Variants in NPAS3 observed in about 807,000 individuals in gnomAD.
NPAS3 encodes neuronal PAS domain-containing protein 3.
A neutral mutation model predicts 73.1 loss-of-function variants in NPAS3; 14 were observed. The observed-to-expected ratio is 0.19, with a 90% CI of 0.13 to 0.30. The LOEUF is 0.30. NPAS3 is among the 10% of genes least tolerant of loss of function. NPAS3 has a pLI of 1.00. For missense variants in NPAS3, 1,096 were observed against 1,250.0 expected (o/e 0.88, Z 1.86); for synonymous variants, 620 against 541.5 (o/e 1.14, Z -2.01).
intron 6 of NPAS3, among the ~76,000 whole-genome samples, chr14:33,733,516 A>T (rs1389667911): frequency 2.0e-5 from 3 of 152,188 alleles, no homozygotes. Flanking sequence ...CAAAATGGGA[A>T]TCTCTGATAA....
At chr14:33,637,175 G>C (rs1346068956) in intron 5 of NPAS3, among the ~76,000 whole-genome samples, 1 of 152,094 alleles carries the variant, frequency 6.6e-6, no homozygotes, top group Non-Finnish European at 1.5e-5. Context: ...TCCCCATAAT[G>C]CTCTAAAGAT....
intron 4 of NPAS3, among the ~76,000 whole-genome samples, chr14:33,379,428 C>G (rs1356975627): frequency 6.6e-6 from 1 of 152,092 alleles, no homozygotes; most frequent in Non-Finnish European, 1.5e-5. Flanking sequence ...GGTTTTTATA[C>G]CTCTCTGGTA....
intron 3 of NPAS3, among the ~76,000 whole-genome samples, chr14:33,245,745 C>T (rs1566718619): frequency 6.6e-6 from 1 of 152,114 alleles, no homozygotes; most frequent in East Asian, 1.9e-4. Flanking sequence ...TTACAGTTTA[C>T]TCTAATACAT....
intron 5 of NPAS3, among the ~76,000 whole-genome samples, chr14:33,561,258 CTT>C (rs1412660252): frequency 4.6e-5 from 7 of 152,212 alleles, no homozygotes; most frequent in Non-Finnish European, 7.3e-5. Flanking sequence ...AGGCTGGACT[CTT>C]TTGGCTGTGA....
intron 6 of NPAS3, among the ~76,000 whole-genome samples, chr14:33,696,793 C>T (rs371677915): frequency 1.3e-5 from 2 of 152,128 alleles, no homozygotes; most frequent in Non-Finnish European, 2.9e-5. Flanking sequence ...GCTTTTGTTT[C>T]GTATATAACG....
intron 5 of NPAS3, among the ~76,000 whole-genome samples, chr14:33,564,810 T>C (rs2055844965): frequency 1.3e-5 from 2 of 152,188 alleles, no homozygotes; most frequent in Admixed American, 1.3e-4. Context: ...CAAGTTAATA[T>C]AGGGTCCTGT....
chr14:33,782,420 AAC>A (rs2063005275), intron 9 of NPAS3, among the ~76,000 whole-genome samples: 1 of 152,172 alleles, frequency 6.6e-6, no homozygotes, highest in South Asian at 2.1e-4. Context: ...TGCTAAACCA[AAC>A]AGAGATGCAT....
chr14:33,477,035 T>C (rs986691305), intron 4 of NPAS3, among the ~76,000 whole-genome samples: 3 of 138,358 alleles, frequency 2.2e-5, no homozygotes, highest in African/African-American at 7.4e-5. Flanking sequence ...TCTGTCTTCC[T>C]TAGAGGTGGA....
chr14:33,323,088 C>T (rs1433998379), intron 3 of NPAS3, among the ~76,000 whole-genome samples: 2 of 152,128 alleles, frequency 1.3e-5, no homozygotes, highest in African/African-American at 2.4e-5. Context: ...GCCTGGCTTA[C>T]AGTAGCACCT....
chr14:33,517,747 A>G (rs1236881899), intron 4 of NPAS3, among the ~76,000 whole-genome samples: 1 of 152,018 alleles, frequency 6.6e-6, no homozygotes, highest in Non-Finnish European at 1.5e-5. Flanking sequence ...TCACCGTTAC[A>G]TACTTACATA....
At chr14:32,994,533 T>C (rs1469584163) in intron 1 of NPAS3, among the ~76,000 whole-genome samples, 1 of 152,000 alleles carries the variant, frequency 6.6e-6, no homozygotes, top group Non-Finnish European at 1.5e-5. Flanking sequence ...AAGCTAATCT[T>C]TGATGCAGGT....
At chr14:32,998,389 GC>G (rs956429945) in intron 1 of NPAS3, among the ~76,000 whole-genome samples, 24 of 152,330 alleles carry the variant, frequency 1.6e-4, no homozygotes, top group African/African-American at 5.8e-4. Context: ...GGAAATGGGA[GC>G]AAGTGCTTAA....
At chr14:33,669,799 G>A (rs2059559501) in intron 5 of NPAS3, among the ~76,000 whole-genome samples, 1 of 152,046 alleles carries the variant, frequency 6.6e-6, no homozygotes, top group African/African-American at 2.4e-5. Context: ...TCTTCTCTGA[G>A]AACTAGGAGA....
At chr14:33,757,538 G>A (rs149720314) in intron 7 of NPAS3, among the ~76,000 whole-genome samples, 63 of 152,262 alleles carry the variant, frequency 4.1e-4, no homozygotes, top group Non-Finnish European at 7.9e-4. Flanking sequence ...GGAAGAATAC[G>A]ATGGGGGAAA....
At chr14:33,578,618 A>C (rs2056542528) in intron 5 of NPAS3, among the ~76,000 whole-genome samples, 1 of 152,206 alleles carries the variant, frequency 6.6e-6, no homozygotes, top group African/African-American at 2.4e-5. Context: ...TTGCTGACTG[A>C]CTGAATATCT....
At position 33,642,114 on chromosome 14, in the gene NPAS3, TCATCAAAA is replaced by T. The variant is rs541787408; in HGVS notation, c.559-34094_559-34087del. On this transcript the variant is annotated intron_variant, in intron 5 of 11. Transcript: ENST00000356141. ...AATTCTATTTGATCACCATGGGAAC[TCATCAAAA>T]CAGAGGGCAGCGCTGAAGTTTCATT... 1.8e-4 allele frequency among the ~76,000 whole-genome samples: 27 copies of T among 152,262 alleles called. No homozygotes were observed. In the East Asian group the frequency reaches 3.5e-3, roughly 20 times the overall value.
At chr14:33,234,612 C>T (rs192828686) in intron 3 of NPAS3, among the ~76,000 whole-genome samples, 2 of 152,132 alleles carry the variant, frequency 1.3e-5, no homozygotes, top group East Asian at 3.9e-4. Flanking sequence ...GCGAGAAAAC[C>T]GTGGCTGTGT....
intron 4 of NPAS3, among the ~76,000 whole-genome samples, chr14:33,511,037 T>A (rs950130324): frequency 6.6e-6 from 1 of 152,052 alleles, no homozygotes; most frequent in South Asian, 2.1e-4. Flanking sequence ...TGGTGTTGAG[T>A]GGATAATTTA....
chr14:33,143,479 G>A (rs1025354700), intron 2 of NPAS3, among the ~76,000 whole-genome samples: 2 of 151,324 alleles, frequency 1.3e-5, no homozygotes, highest in Admixed American at 6.6e-5. Flanking sequence ...CAACAAGAAC[G>A]AAACTCTGTC....
Sources: gnomAD v4.1 joint callset for allele counts (sites outside exome capture counted in the v4.1 genomes callset) on GRCh38, gnomAD v4.1.1 for gene constraint, MANE v1.5 for transcripts, NCBI Gene and HGNC (gene_info 2026-07-23, HGNC 2026-07-21) for gene names.